GRXCR1: variants seen among roughly 807,000 people sequenced by gnomAD.
GRXCR1 encodes glutaredoxin and cysteine rich domain containing 1, also known as glutaredoxin domain-containing cysteine-rich protein 1.
Under a neutral mutation model 27.3 loss-of-function variants are expected in GRXCR1, and 27 were observed. The observed-to-expected ratio is 0.99, with a 90% CI of 0.73 to 1.37. GRXCR1 has a LOEUF of 1.37. Ranked by LOEUF, GRXCR1 falls within the 40% of genes most tolerant of loss-of-function variation. The pLI is 0.00. For synonymous variants in GRXCR1, 122 were observed against 131.1 expected (o/e 0.93, Z 0.47); for missense variants, 379 against 354.4 (o/e 1.07, Z -0.56).
At chr4:42,922,853 T>A (rs556624489) in intron 1 of GRXCR1, among the ~76,000 whole-genome samples, 1 of 152,232 alleles carries the variant, frequency 6.6e-6, no homozygotes, top group African/African-American at 2.4e-5. Context: ...GCCAGCAAGA[T>A]GCCTCTGTGG....
At chr4:42,920,455 A>G (rs1266327628) in intron 1 of GRXCR1, among the ~76,000 whole-genome samples, 1 of 152,146 alleles carries the variant, frequency 6.6e-6, no homozygotes, top group Non-Finnish European at 1.5e-5. Context: ...ATAACGATAT[A>G]TAAGTTGAGA....
At chr4:42,987,275 TATAGAGAGAGAG>T (rs1238988068) in intron 2 of GRXCR1, among the ~76,000 whole-genome samples, 26 of 102,216 alleles carry the variant, frequency 2.5e-4, no homozygotes, top group African/African-American at 9.7e-4. Context: ...TATATATATA[TATAGAGAGAGAG>T]AGAGAGAGAG....
intron 1 of GRXCR1, among the ~76,000 whole-genome samples, chr4:42,904,772 G>A (rs1364884183): frequency 6.6e-6 from 1 of 151,966 alleles, no homozygotes. Context: ...GTCATTGAGG[G>A]TGCAAAGATG....
At position 42,963,045 on chromosome 4, in the gene GRXCR1, G is replaced by A; in HGVS notation, c.538G>A (p.Glu180Lys). The change falls in exon 2 of 4, where the codon GAA becomes AAA. Residue 180 changes from glutamate to lysine, a missense_variant. By Grantham distance (56) the Glu-to-Lys change is moderately conservative. Transcript: ENST00000399770. ...FEEKNIALNG[E>K]YGKELDERCR... ...AGAGAAAAACATAGCCCTGAATGGT[G>A]AATATGGAAAAGAGTTAGACGAACG... 2 of 1,612,874 alleles carry A rather than the reference G, an allele frequency of 1.2e-6. No homozygotes were observed. Among genetic ancestry groups the A allele is most frequent in the South Asian group, 1.1e-5 (1 of 91,060 alleles).
chr4:43,020,186 G>A (rs535581189), intron 2 of GRXCR1, among the ~76,000 whole-genome samples, 168 bp from the exon 3 acceptor site: 12 of 152,164 alleles, frequency 7.9e-5, no homozygotes, highest in Middle Eastern at 3.4e-3. Flanking sequence ...GTATGTGGCA[G>A]TAAGGAAAAA....
intron 1 of GRXCR1, among the ~76,000 whole-genome samples, chr4:42,957,868 A>C (rs910641794): frequency 6.6e-6 from 1 of 151,954 alleles, no homozygotes; most frequent in African/African-American, 2.4e-5. Context: ...GAGCTTCCTC[A>C]AAACAGCTAT....
chr4:42,925,079 CT>C (rs1747128346), intron 1 of GRXCR1, among the ~76,000 whole-genome samples: 1 of 151,192 alleles, frequency 6.6e-6, no homozygotes, highest in African/African-American at 2.4e-5. Context: ...AAAAAGAAAG[CT>C]TATGAGGAGT....
intron 2 of GRXCR1, among the ~76,000 whole-genome samples, chr4:42,993,194 G>A (rs58562879): frequency 0.011 from 1,721 of 152,134 alleles, 14 homozygotes; most frequent in African/African-American, 0.038. Context: ...AAAAAGATCA[G>A]CTGAAAGTGT....
At position 42,950,040 on chromosome 4, in the gene GRXCR1, A is replaced by G. The variant is rs184557893; in HGVS notation, c.385-12852A>G. On this transcript the variant is annotated intron_variant, in intron 1 of 3. Transcript: ENST00000399770. ...GCACAGAAAGGGATTGGCTGCATTTAGGTGATTATTCAGGCATTTTTCTTG... is the reference window on the plus strand; with the variant it reads ...GCACAGAAAGGGATTGGCTGCATTTGGGTGATTATTCAGGCATTTTTCTTG... 7.7e-4 allele frequency among the ~76,000 whole-genome samples: 118 copies of G among 152,332 alleles called. 1 individual carries two copies. Among genetic ancestry groups the G allele is most frequent in the African/African-American group, 2.7e-3 (114 of 41,568 alleles).
intron 2 of GRXCR1, among the ~76,000 whole-genome samples, chr4:43,019,364 C>T (rs1392327325): frequency 6.6e-6 from 1 of 152,120 alleles, no homozygotes; most frequent in Non-Finnish European, 1.5e-5. Context: ...ATGAGTCCTG[C>T]TTGGCACCCT....
intron 2 of GRXCR1, among the ~76,000 whole-genome samples, chr4:43,016,633 TTG>T (rs34018617): frequency 0.81 from 121,641 of 149,848 alleles, 49,447 homozygotes; most frequent in East Asian, 0.98. Flanking sequence ...AGTTGTGTGT[TTG>T]TGTGTGTGTG....
At chr4:42,955,106 C>T (rs779842051) in intron 1 of GRXCR1, among the ~76,000 whole-genome samples, 44 of 152,056 alleles carry the variant, frequency 2.9e-4, no homozygotes, top group Non-Finnish European at 6.0e-4. Flanking sequence ...AATCGCTGTT[C>T]CTGGAGCCAG....
intron 2 of GRXCR1, among the ~76,000 whole-genome samples, chr4:42,980,505 C>A (rs1019159201): frequency 1.3e-5 from 2 of 151,910 alleles, no homozygotes; most frequent in African/African-American, 2.4e-5. Flanking sequence ...AAGAAAGATA[C>A]TTGATATGAT....
intron 1 of GRXCR1, among the ~76,000 whole-genome samples, chr4:42,921,913 T>G (rs1296163603): frequency 6.6e-6 from 1 of 152,052 alleles, no homozygotes; most frequent in Non-Finnish European, 1.5e-5. Context: ...TGTGTCCACA[T>G]GCCTGTGTTG....
intron 2 of GRXCR1, among the ~76,000 whole-genome samples, chr4:42,996,958 T>C (rs1712187622): frequency 6.6e-6 from 1 of 152,164 alleles, no homozygotes; most frequent in Admixed American, 6.5e-5. Flanking sequence ...AACTACTCTA[T>C]GTTCTACTTC....
intron 1 of GRXCR1, among the ~76,000 whole-genome samples, chr4:42,932,613 TATATATAGAGAGAGAG>T (rs58804458): frequency 1.4e-3 from 56 of 39,290 alleles, no homozygotes; most frequent in African/African-American, 2.7e-3. Context: ...TATATATATA[TATATATAGAGAGAGAG>T]AGAGAGAGAG....
At chr4:43,005,921 A>G (rs917461809) in intron 2 of GRXCR1, among the ~76,000 whole-genome samples, 3 of 152,232 alleles carry the variant, frequency 2.0e-5, no homozygotes, top group African/African-American at 7.2e-5. Context: ...TGTCATGGAT[A>G]TTGCGGGAAG....
At chr4:43,025,292 T>C (rs1713219554) in intron 3 of GRXCR1, among the ~76,000 whole-genome samples, 3 of 152,150 alleles carry the variant, frequency 2.0e-5, no homozygotes, top group African/African-American at 4.8e-5. Context: ...GACTCAGGGG[T>C]GAGGCTGAGA....
At chr4:43,023,944 CG>C (rs1441797589) in intron 3 of GRXCR1, among the ~76,000 whole-genome samples, 1 of 151,912 alleles carries the variant, frequency 6.6e-6, no homozygotes, top group African/African-American at 2.4e-5. Context: ...TGAGAAGCAA[CG>C]AAGTGTCTAA....
Sources: allele counts gnomAD v4.1 joint callset (sites outside exome capture counted in the v4.1 genomes callset), GRCh38; gene constraint gnomAD v4.1.1; transcripts MANE v1.5; gene names NCBI Gene and HGNC (gene_info 2026-07-23, HGNC 2026-07-21).